ZFHX3: variants seen among roughly 807,000 people sequenced by gnomAD.
ZFHX3 encodes the protein zinc finger homeobox protein 3.
ZFHX3 carries 42 observed loss-of-function variants against 279.1 expected under a neutral mutation model. The ratio of observed to expected loss-of-function variants is 0.15; its 90% CI spans 0.12 to 0.19. The LOEUF (loss-of-function observed/expected upper bound fraction) is 0.19, where lower values mean the gene tolerates loss of function less well. ZFHX3 is among the 10% of genes least tolerant of loss of function. ZFHX3 has a pLI of 1.00. For missense variants in ZFHX3, 4,981 were observed against 4,754.0 expected, an observed-to-expected ratio of 1.05 and a Z score of -1.40; for synonymous variants, 2,293 against 1,957.8, an observed-to-expected ratio of 1.17 and a Z score of -4.52.
chr16:73,472,281 A>AC (rs971139087), intron 2 of ZFHX3, among the ~76,000 whole-genome samples: 1 of 151,724 alleles, frequency 6.6e-6, no homozygotes, highest in Non-Finnish European at 1.5e-5. Flanking sequence ...AAAAAAAAAA[A>AC]AAAAAACAGC....
chr16:73,102,599 C>T (rs563063539), intron 7 of ZFHX3, among the ~76,000 whole-genome samples: 5 of 152,158 alleles, frequency 3.3e-5, no homozygotes, highest in Admixed American at 6.5e-5. Flanking sequence ...GCATAGCTAG[C>T]CTTTCTGTCC....
intron 4 of ZFHX3, among the ~76,000 whole-genome samples, chr16:72,863,515 G>GAGAGAC (rs369351881): frequency 2.7e-5 from 4 of 148,458 alleles, no homozygotes; most frequent in South Asian, 4.2e-4. Context: ...CAGAGAGAGA[G>GAGAGAC]AGAGACAGAG....
intron 7 of ZFHX3, chr16:72,809,863 C>G (rs1039668356): frequency 6.7e-6 from 1 of 149,688 alleles, no homozygotes; most frequent in Non-Finnish European, 1.5e-5. Context: ...GGTTTTTCCT[C>G]TAATGATCAG....
chr16:73,676,990 C>T (rs8052739), intron 2 of ZFHX3, among the ~76,000 whole-genome samples: 31,618 of 151,714 alleles, frequency 0.21, 3,407 homozygotes, highest in African/African-American at 0.22. Flanking sequence ...AATAGTAAGA[C>T]CAACTTCATA....
At chr16:72,940,970 G>T (rs534105851) in intron 3 of ZFHX3, among the ~76,000 whole-genome samples, 2 of 152,354 alleles carry the variant, frequency 1.3e-5, no homozygotes, top group South Asian at 2.1e-4. Flanking sequence ...GGCACACAGG[G>T]TCTCCCACGC....
rs1051723766 is a variant in ZFHX3, at chr16:73,576,776, A to G, written c.-1547+103404T>C. ...ACATGTGCAGGTTTGTTATATAGGT[A>G]AACTCATGTCAGGAGGGTTTGTTGT... On this transcript the variant is annotated intron_variant, in intron 2 of 17. Coordinates refer to the ZFHX3 transcript ENST00000641206. Among the ~76,000 whole-genome samples the G allele has an allele frequency of 4.6e-5, 7 of 152,178 alleles. No individual in the cohort carries two copies. In the East Asian group the frequency reaches 1.3e-3, roughly 29 times the overall value.
At chr16:73,558,840 G>C (rs1230283681) in intron 2 of ZFHX3, among the ~76,000 whole-genome samples, 1 of 150,682 alleles carries the variant, frequency 6.6e-6, no homozygotes, top group Non-Finnish European at 1.5e-5. Flanking sequence ...AGCCTCCTGA[G>C]TAGCTGGGAT....
chr16:73,723,318 T>C (rs562937596), intron 1 of ZFHX3, among the ~76,000 whole-genome samples: 1 of 152,290 alleles, frequency 6.6e-6, no homozygotes, highest in East Asian at 1.9e-4. Flanking sequence ...ATTCAGAAGG[T>C]AGATTCTTCA....
At chr16:72,931,403 T>C (rs1274702867) in intron 3 of ZFHX3, among the ~76,000 whole-genome samples, 4 of 89,506 alleles carry the variant, frequency 4.5e-5, no homozygotes, top group Admixed American at 1.3e-4. Context: ...ATTTATTTCA[T>C]TACACACACA....
At chr16:73,475,307 T>G (rs1187044653) in intron 2 of ZFHX3, among the ~76,000 whole-genome samples, 2 of 152,222 alleles carry the variant, frequency 1.3e-5, no homozygotes, top group Non-Finnish European at 2.9e-5. Flanking sequence ...ATAAAATTCC[T>G]TCTACCAAAT....
chr16:73,545,560 G>T (rs778190368), intron 2 of ZFHX3, among the ~76,000 whole-genome samples: 1 of 152,120 alleles, frequency 6.6e-6, no homozygotes, highest in Non-Finnish European at 1.5e-5. Context: ...AGCCTCTGAA[G>T]TTGAATTTTT....
At chr16:73,113,787 T>C (rs1966403664) in intron 7 of ZFHX3, among the ~76,000 whole-genome samples, 1 of 124,832 alleles carries the variant, frequency 8.0e-6, no homozygotes, top group South Asian at 2.7e-4. Flanking sequence ...GACTCTTTTT[T>C]GGAAACTTTT....
chr16:73,441,336 C>T (rs916607099), intron 3 of ZFHX3, among the ~76,000 whole-genome samples: 2 of 151,736 alleles, frequency 1.3e-5, no homozygotes, highest in African/African-American at 2.4e-5. Flanking sequence ...TTATACATTC[C>T]CCCTCCTAAC....
chr16:73,392,111 G>T (rs2017024947), intron 3 of ZFHX3, among the ~76,000 whole-genome samples: 1 of 152,050 alleles, frequency 6.6e-6, no homozygotes, highest in South Asian at 2.1e-4. Context: ...ATAATGCCTA[G>T]AAATAAAAAT....
chr16:73,711,920 C>T, intron 1 of ZFHX3, among the ~76,000 whole-genome samples: 1 of 152,220 alleles, frequency 6.6e-6, no homozygotes, highest in East Asian at 1.9e-4. Context: ...GCCCTTGAGG[C>T]CCTGGCCCTG....
At chr16:73,686,831 A>C (rs1320323545) in intron 1 of ZFHX3, among the ~76,000 whole-genome samples, 1 of 151,598 alleles carries the variant, frequency 6.6e-6, no homozygotes, top group Non-Finnish European at 1.5e-5. Context: ...TTACAGACTA[A>C]GCTTAAAGGA....
intron 1 of ZFHX3, among the ~76,000 whole-genome samples, chr16:73,724,720 T>C (rs1274627960): frequency 6.6e-6 from 1 of 152,204 alleles, no homozygotes; most frequent in African/African-American, 2.4e-5. Context: ...GCTCAAGACC[T>C]CAGCATCATT....
chr16:73,280,064 C>G (rs59074049), intron 4 of ZFHX3, among the ~76,000 whole-genome samples: 1 of 151,994 alleles, frequency 6.6e-6, no homozygotes, highest in Non-Finnish European at 1.5e-5. Context: ...ACTGGACACA[C>G]ACATGCAAAA....
intron 5 of ZFHX3, among the ~76,000 whole-genome samples, chr16:73,236,042 C>A (rs2012937949): frequency 6.6e-6 from 1 of 152,226 alleles, no homozygotes; most frequent in South Asian, 2.1e-4. Flanking sequence ...TTTTAGCCTA[C>A]AGACACTACT....
Sources: allele counts gnomAD v4.1 joint callset (sites outside exome capture counted in the v4.1 genomes callset), GRCh38; gene constraint gnomAD v4.1.1; transcripts MANE v1.5; gene names NCBI Gene and HGNC (gene_info 2026-07-23, HGNC 2026-07-21).